The following PHYHIP variants were observed in gnomAD, a reference collection of about 807,000 sequenced individuals.
PHYHIP encodes the protein phytanoyl-CoA 2-hydroxylase interacting protein, also known as phytanoyl-CoA hydroxylase-interacting protein.
In PHYHIP, 7 loss-of-function variants were observed where a neutral mutation model predicts 26.1. That is an observed-to-expected ratio of 0.27 (90% CI 0.15 to 0.50). The LOEUF is 0.50. PHYHIP is among the 20% of genes least tolerant of loss of function. The pLI is 0.98. For missense variants in PHYHIP, 232 were observed against 454.7 expected, an observed-to-expected ratio of 0.51 and a Z score of 4.45; for synonymous variants, 206 against 183.4, an observed-to-expected ratio of 1.12 and a Z score of -1.00.
intron 3 of PHYHIP, among the ~76,000 whole-genome samples, chr8:22,225,891 A>G (rs987101676): frequency 5.3e-5 from 8 of 152,256 alleles, no homozygotes; most frequent in Non-Finnish European, 1.0e-4. Flanking sequence ...CTTGGGGCAT[A>G]AATCTTGGCA....
chr8:22,231,014 T>C (rs1829856401), intron 1 of PHYHIP, among the ~76,000 whole-genome samples: 1 of 152,190 alleles, frequency 6.6e-6, no homozygotes, highest in African/African-American at 2.4e-5. Flanking sequence ...CGAAGTCTGG[T>C]ATTCTCTCTC....
In PHYHIP at chr8:22,226,884, C is replaced by G; in HGVS notation, c.307G>C (p.Gly103Arg). Residue 103 changes from glycine (G) to arginine (R), a missense_variant, in exon 3 of 5, where the codon GGC becomes CGC. Gly to Arg is a moderately radical substitution (Grantham distance 125). Coordinates refer to ENST00000454243, the MANE Select transcript of PHYHIP (RefSeq NM_014759.5). ...CAGAACTCCACCGTCTCGCTCCAGC[C>G]GGACACCAGGTACTCCCCATCGCTC... Reference protein sequence around the residue: ...KQSDGEYLVSGWSETVEFCTG... With the variant: ...KQSDGEYLVSRWSETVEFCTG... The G allele has an allele frequency of 6.2e-7, 1 of 1,613,998 alleles. No homozygotes were observed. Among genetic ancestry groups the G allele is most frequent in the Non-Finnish European group, 8.5e-7 (1 of 1,179,946 alleles).
intron 2 of PHYHIP, among the ~76,000 whole-genome samples, chr8:22,227,935 G>C (rs931365007): frequency 3.9e-5 from 6 of 152,236 alleles, no homozygotes; most frequent in Non-Finnish European, 1.5e-5. Flanking sequence ...TGTGCTAGGC[G>C]CCGGGCCAAG....
intron 1 of PHYHIP, among the ~76,000 whole-genome samples, chr8:22,229,938 G>A (rs1207907320): frequency 6.6e-6 from 1 of 152,150 alleles, no homozygotes; most frequent in Non-Finnish European, 1.5e-5. Flanking sequence ...CCTGCTCCAG[G>A]TGTCACTCAA....
rs539104397 is a variant in PHYHIP, at chr8:22,222,026, C to T, written c.459-139G>A. 160 of 673,504 alleles carry T rather than the reference C, an allele frequency of 2.4e-4. 1 individual carries two copies. In the South Asian group the frequency reaches 2.8e-3, roughly 12 times the overall value. The allele number at this position is 673,504 out of a possible 1,614,324, so 41.7% of individuals were successfully genotyped here. On this transcript the variant is annotated intron_variant, in intron 4 of 4. Transcript: ENST00000454243. ...CCCTCCCCCAGCCGCCTCCACTAGTCGCAAATAGAACATTCCAGAATGCAA... is the reference window on the plus strand; with the variant it reads ...CCCTCCCCCAGCCGCCTCCACTAGTTGCAAATAGAACATTCCAGAATGCAA...
In PHYHIP at chr8:22,221,891, C is replaced by A; in HGVS notation, c.459-4G>T. 6.6e-7 allele frequency: 1 copy of A among 1,505,230 alleles called. No homozygotes were observed. 93.2% of individuals were successfully genotyped at this position (1,505,230 alleles called of 1,614,324 possible). A position where few individuals can be genotyped will look rare whatever the true frequency, so the allele number is the denominator to read the frequency against. On this transcript the variant is annotated splice_region_variant and splice_polypyrimidine_tract_variant and intron_variant, in intron 4 of 4. Coordinates refer to ENST00000454243, the MANE Select transcript of PHYHIP (RefSeq NM_014759.5). This position sits in a 1 kb window ranked among gnomAD's most constrained non-coding sequence, Gnocchi z 7.9. The stretch of plus-strand genomic sequence containing the variant: ...CAGCATGTTCCCGCAGTGGGTCCTG[C>A]CCACCCCAGGGAGACACACCAAAGG...
chr8:22,226,792 A>T (rs1829754801), intron 3 of PHYHIP, 59 bp downstream of exon 3: 1 of 1,501,100 alleles, frequency 6.7e-7, no homozygotes, highest in African/African-American at 1.4e-5. Context: ...ACCCGCCTTG[A>T]CCACAGCAAA....
chr8:22,230,727 C>G (rs1167925114), intron 1 of PHYHIP, among the ~76,000 whole-genome samples: 1 of 152,140 alleles, frequency 6.6e-6, no homozygotes, highest in African/African-American at 2.4e-5. Context: ...CCCACACACC[C>G]ATCTCCACAT....
At chr8:22,223,984 G>C (rs1829689520) in intron 4 of PHYHIP, 1 of 478,142 alleles carries the variant, frequency 2.1e-6, no homozygotes. Flanking sequence ...CATTCTCCCA[G>C]GCTCATTAGT....
chr8:22,229,885 T>C (rs896506745), intron 1 of PHYHIP, among the ~76,000 whole-genome samples: 6 of 152,144 alleles, frequency 3.9e-5, no homozygotes, highest in Non-Finnish European at 8.8e-5. Flanking sequence ...GTGAGTTGCC[T>C]GGATGGCAAG....
At position 22,221,941 on chromosome 8, in the gene PHYHIP, C is replaced by G; in HGVS notation, c.459-54G>C. 2.1e-6 allele frequency: 3 copies of G among 1,424,524 alleles called. No individual in the cohort carries two copies. Among genetic ancestry groups the G allele is most frequent in the Non-Finnish European group, 2.8e-6 (3 of 1,076,586 alleles). 88.2% of individuals were successfully genotyped at this position (1,424,524 alleles called of 1,614,324 possible). On this transcript the variant is annotated intron_variant, in intron 4 of 4. Coordinates refer to ENST00000454243, the MANE Select transcript of PHYHIP (RefSeq NM_014759.5). The surrounding 1 kb of genome is among the most constrained non-coding windows in gnomAD (Gnocchi z 7.9). ...GGAAGAGAAGATGTGGCTGGTGAGCCGGGCTGAGGCTTGGCTGCTGCGTGT... is the reference window on the plus strand; with the variant it reads ...GGAAGAGAAGATGTGGCTGGTGAGCGGGGCTGAGGCTTGGCTGCTGCGTGT...
At chr8:22,223,776 C>G (rs1829685280) in intron 4 of PHYHIP, 1 of 158,276 alleles carries the variant, frequency 6.3e-6, no homozygotes, top group Non-Finnish European at 1.4e-5. Context: ...AAGGGGTTCA[C>G]TGACATGTCT....
rs1829639532 is a variant in PHYHIP at position 22,221,962 on chromosome 8, C to T, written c.459-75G>A. The T allele has an allele frequency of 5.3e-6, 7 of 1,329,912 alleles. No homozygotes were observed. Among genetic ancestry groups the T allele is most frequent in the African/African-American group, 4.4e-5 (3 of 67,886 alleles). The allele number at this position is 1,329,912 out of a possible 1,614,324, so 82.4% of individuals were successfully genotyped here. ...GAGCCGGGCTGAGGCTTGGCTGCTG[C>T]GTGTGGTCGAGGAGGGAGGAAGCCA... On this transcript the variant is annotated intron_variant, in intron 4 of 4. Transcript: ENST00000454243. This position sits in a 1 kb window ranked among gnomAD's most constrained non-coding sequence, Gnocchi z 7.9.
At chr8:22,222,138 C>A (rs1361491563) in intron 4 of PHYHIP, among the ~76,000 whole-genome samples, 1 of 152,046 alleles carries the variant, frequency 6.6e-6, no homozygotes, top group Non-Finnish European at 1.5e-5. Context: ...AGCTTGAAAC[C>A]CTTTGATGGG....
intron 3 of PHYHIP, among the ~76,000 whole-genome samples, chr8:22,225,730 G>A (rs1232383196): frequency 2.7e-5 from 4 of 150,788 alleles, no homozygotes; most frequent in Non-Finnish European, 4.4e-5. Context: ...GCTTGAACCC[G>A]GGAGGCGGAG....
intron 1 of PHYHIP, 39 bp from the exon 2 acceptor site, chr8:22,228,425 C>G: frequency 1.6e-6 from 2 of 1,285,506 alleles, no homozygotes; most frequent in Non-Finnish European, 2.2e-6. Flanking sequence ...CCCTTGACCC[C>G]GGCGAGCTTT....
intron 3 of PHYHIP, among the ~76,000 whole-genome samples, chr8:22,224,692 G>C (rs1418335508): frequency 6.6e-6 from 1 of 152,164 alleles, no homozygotes; most frequent in African/African-American, 2.4e-5. Context: ...AGGACCCCTG[G>C]GAAAAAGGAA....
intron 1 of PHYHIP, among the ~76,000 whole-genome samples, chr8:22,231,504 C>A (rs1009156799): frequency 6.6e-6 from 1 of 152,246 alleles, no homozygotes; most frequent in Non-Finnish European, 1.5e-5. Flanking sequence ...CTTCCCCATG[C>A]CCATTCAAAC....
chr8:22,222,900 C>A (rs1487241032), intron 4 of PHYHIP, among the ~76,000 whole-genome samples: 1 of 152,150 alleles, frequency 6.6e-6, no homozygotes, highest in African/African-American at 2.4e-5. Context: ...CACTATGTTG[C>A]TCAGGCTAGT....
Sources: gnomAD v4.1 joint callset for allele counts (sites outside exome capture counted in the v4.1 genomes callset) on GRCh38, gnomAD v4.1.1 for gene constraint, Gnocchi (gnomAD v3.1) non-coding constraint, MANE v1.5 for transcripts, NCBI Gene and HGNC (gene_info 2026-07-23, HGNC 2026-07-21) for gene names.